ZPBP: variants seen among roughly 807,000 people sequenced by gnomAD.
The protein encoded by ZPBP is zona pellucida-binding protein 1.
Under a neutral mutation model 44.8 loss-of-function variants are expected in ZPBP, and 26 were observed. The observed-to-expected ratio is 0.58, with a 90% confidence interval of 0.43 to 0.81. ZPBP has a LOEUF of 0.81. Among genes scored for constraint, ZPBP ranks in the 30% least tolerant of loss-of-function variants. The probability of loss-of-function intolerance (pLI) is 0.00; values close to 1 mark genes in which losing one functional copy is unlikely to be tolerated. For synonymous variants in ZPBP, 174 were observed against 153.2 expected (o/e 1.14, Z -1.00); for missense variants, 409 against 434.0 (o/e 0.94, Z 0.51).
At chr7:49,974,305 T>C (rs574628161) in intron 7 of ZPBP, among the ~76,000 whole-genome samples, 1 of 152,164 alleles carries the variant, frequency 6.6e-6, no homozygotes, top group South Asian at 2.1e-4. Flanking sequence ...CCATGCATAA[T>C]TTACCAATAA....
intron 5 of ZPBP, 28 bp from the exon 6 acceptor site, chr7:50,018,344 G>A (rs1798923087): frequency 2.1e-6 from 3 of 1,447,756 alleles, no homozygotes; most frequent in Non-Finnish European, 2.9e-6. Context: ...ATTTTATCAT[G>A]GGTATAATGT....
intron 2 of ZPBP, among the ~76,000 whole-genome samples, chr7:49,853,262 A>C (rs1052363061): frequency 6.6e-6 from 1 of 152,254 alleles, no homozygotes; most frequent in African/African-American, 2.4e-5. Flanking sequence ...AGACCCTATC[A>C]GGTATGACTG....
intron 1 of ZPBP, among the ~76,000 whole-genome samples, chr7:49,922,256 A>T (rs991390165): frequency 6.6e-6 from 1 of 152,230 alleles, no homozygotes; most frequent in African/African-American, 2.4e-5. Flanking sequence ...AAATGTAATG[A>T]TTATGAAACC....
chr7:49,887,846 G>T (rs999527796), intron 2 of ZPBP, among the ~76,000 whole-genome samples: 1 of 152,204 alleles, frequency 6.6e-6, no homozygotes, highest in Non-Finnish European at 1.5e-5. Context: ...ATTCACAAAT[G>T]TTCTAGCCTA....
At chr7:49,941,909 A>G (rs1794901363) in intron 7 of ZPBP, among the ~76,000 whole-genome samples, 1 of 152,194 alleles carries the variant, frequency 6.6e-6, no homozygotes, top group African/African-American at 2.4e-5. Flanking sequence ...CCAAAAAGAC[A>G]GACATACAGA....
chr7:50,051,563 C>T (rs1468200487), intron 4 of ZPBP, among the ~76,000 whole-genome samples: 8 of 152,102 alleles, frequency 5.3e-5, no homozygotes, highest in East Asian at 1.9e-4. Flanking sequence ...TCAACCCAAA[C>T]GCCCATCAGT....
chr7:49,945,685 T>C (rs1361869018), intron 7 of ZPBP, among the ~76,000 whole-genome samples: 2 of 152,086 alleles, frequency 1.3e-5, no homozygotes, highest in African/African-American at 2.4e-5. Context: ...TGGTTTTGCA[T>C]GGAACTTTTT....
intron 7 of ZPBP, among the ~76,000 whole-genome samples, chr7:49,938,216 T>C (rs1016426422): frequency 2.6e-5 from 4 of 152,084 alleles, no homozygotes; most frequent in South Asian, 4.1e-4. Flanking sequence ...CATAACTGTG[T>C]ATTTTAGGTG....
chr7:49,914,381 T>C (rs1051111107), intron 1 of ZPBP: 1 of 152,228 alleles, frequency 6.6e-6, no homozygotes, highest in Non-Finnish European at 1.5e-5. Flanking sequence ...CAGTATCATC[T>C]TGGGAAGTTA....
chr7:49,945,478 G>A, intron 7 of ZPBP, among the ~76,000 whole-genome samples: 1 of 151,916 alleles, frequency 6.6e-6, no homozygotes, highest in East Asian at 1.9e-4. Flanking sequence ...ATTGTATAGG[G>A]GTCTCTCTCT....
At chr7:50,014,547 C>T (rs1429118318) in intron 6 of ZPBP, among the ~76,000 whole-genome samples, 1 of 150,276 alleles carries the variant, frequency 6.7e-6, no homozygotes, top group East Asian at 1.9e-4. Flanking sequence ...TCACTGCAAC[C>T]TTCACCTCCC....
downstream of ZPBP, among the ~76,000 whole-genome samples, chr7:49,933,512 G>A (rs1417326245): frequency 6.6e-6 from 1 of 152,194 alleles, no homozygotes. Flanking sequence ...CAGGGATCTA[G>A]AACTAGAAAT....
intron 3 of ZPBP, among the ~76,000 whole-genome samples, chr7:50,079,319 G>C (rs186761832): frequency 6.6e-6 from 1 of 151,720 alleles, no homozygotes; most frequent in Admixed American, 6.6e-5. Context: ...GAAAGTGGCT[G>C]TAATTACTGC....
intron 6 of ZPBP, among the ~76,000 whole-genome samples, chr7:49,988,455 G>T (rs146586585): frequency 1.3e-5 from 2 of 151,804 alleles, no homozygotes; most frequent in Non-Finnish European, 2.9e-5. Context: ...TCTTCTTTAG[G>T]TTATATTTTA....
At chr7:50,026,566 T>C (rs1799345048) in intron 5 of ZPBP, among the ~76,000 whole-genome samples, 1 of 151,896 alleles carries the variant, frequency 6.6e-6, no homozygotes, top group African/African-American at 2.4e-5. Context: ...GAAAATGATA[T>C]AAAGCAGCTT....
chr7:49,929,255 GATC>G (rs1238712713), intron 1 of ZPBP, among the ~76,000 whole-genome samples: 41 of 152,294 alleles, frequency 2.7e-4, no homozygotes, highest in Admixed American at 2.4e-3. Flanking sequence ...ACATGCCCTG[GATC>G]ACAGGAAGAT....
intron 1 of ZPBP, among the ~76,000 whole-genome samples, chr7:49,930,736 GA>G (rs1241440901): frequency 1.3e-5 from 2 of 151,758 alleles, no homozygotes. Context: ...TATTTAGCAT[GA>G]AAAAAAACTT....
intron 7 of ZPBP, among the ~76,000 whole-genome samples, chr7:49,981,505 A>G (rs1796931855): frequency 1.5e-5 from 1 of 66,430 alleles, no homozygotes; most frequent in South Asian, 4.1e-4. Context: ...AATATAAATT[A>G]TATATGGTAT....
chr7:50,046,247 C>T (rs577906788), intron 4 of ZPBP, among the ~76,000 whole-genome samples: 1 of 152,262 alleles, frequency 6.6e-6, no homozygotes, highest in Admixed American at 6.5e-5. Flanking sequence ...CCAAAGACTT[C>T]GTGACTAAAA....
Sources: gnomAD v4.1 joint callset for allele counts (sites outside exome capture counted in the v4.1 genomes callset) on GRCh38, gnomAD v4.1.1 for gene constraint, MANE v1.5 for transcripts, NCBI Gene and HGNC (gene_info 2026-07-23, HGNC 2026-07-21) for gene names.